The following TBPL2 variants were observed in gnomAD, a reference collection of about 807,000 sequenced individuals.
TBPL2 encodes the protein TATA-box binding protein like 2.
Under a neutral mutation model 38.2 loss-of-function variants are expected in TBPL2, and 40 were observed. The ratio of observed to expected loss-of-function variants is 1.05; its 90% CI spans 0.81 to 1.36. The LOEUF (loss-of-function observed/expected upper bound fraction) is 1.36, where lower values mean the gene tolerates loss of function less well. TBPL2 is among the 40% of genes most tolerant of loss of function. The pLI, the probability that TBPL2 is intolerant of heterozygous loss-of-function variation, is 0.00. For missense variants in TBPL2, 461 were observed against 456.7 expected, an observed-to-expected ratio of 1.01 and a Z score of -0.09; for synonymous variants, 169 against 171.7, an observed-to-expected ratio of 0.98 and a Z score of 0.12.
At chr14:55,424,952 A>G (rs1885798869) in intron 5 of TBPL2, among the ~76,000 whole-genome samples, 1 of 152,218 alleles carries the variant, frequency 6.6e-6, no homozygotes, top group Admixed American at 6.5e-5. Flanking sequence ...AGGAAGTGAG[A>G]GGAGGTGAAT....
chr14:55,420,894 C>T (rs1219067398), intron 6 of TBPL2, among the ~76,000 whole-genome samples: 1 of 151,760 alleles, frequency 6.6e-6, no homozygotes, highest in Non-Finnish European at 1.5e-5. Context: ...CCCGTCTCTA[C>T]TAAAAATACA....
rs563821134 is a variant in TBPL2 at position 55,435,564 on chromosome 14, G to A, written c.696+283C>T. On this transcript the variant is annotated intron_variant, in intron 3 of 6. Transcript: ENST00000247219. ...GCTGGGATTACAGGAGTGAGCCACC[G>A]TGCCCAGCCTAAGTGAAAAATTATA... 3.3e-5 allele frequency among the ~76,000 whole-genome samples: 5 copies of A among 152,154 alleles called. No homozygotes were observed. In the South Asian group the frequency reaches 6.2e-4, roughly 19 times the overall value.
rs1885833546 is a variant in TBPL2 at position 55,426,883 on chromosome 14, G to A, written c.956+1924C>T. On this transcript the variant is annotated intron_variant, in intron 5 of 6. Transcript: ENST00000247219. ...ACAAGGGGCACCTATTCTAGACTTA[G>A]ATCTGCTCTGCAAGGAAGATGCTGG... 2.0e-5 allele frequency among the ~76,000 whole-genome samples: 3 copies of A among 152,188 alleles called. No individual in the cohort carries two copies. The South Asian group carries it at 6.2e-4, about 32-fold the overall frequency.
At chr14:55,439,651 C>T (rs149166485) in intron 1 of TBPL2, among the ~76,000 whole-genome samples, 13,988 of 137,032 alleles carry the variant, frequency 0.1, 772 homozygotes, top group African/African-American at 0.15. Flanking sequence ...CAAAAATTAG[C>T]CGGGCATGGT....
chr14:55,440,424 T>C, exon 1 of TBPL2: 1 of 1,612,784 alleles, frequency 6.2e-7, no homozygotes, highest in Non-Finnish European at 8.5e-7. Flanking sequence ...CAGGTAGAGC[T>C]CCAGGTAGGT....
chr14:55,433,503 G>T, intron 4 of TBPL2, 127 bp downstream of exon 4: 1 of 871,026 alleles, frequency 1.1e-6, no homozygotes, highest in Non-Finnish European at 1.8e-6. Context: ...GCATTTCATT[G>T]AATAAAGTCT....
rs1261021517 is a variant in TBPL2, at chr14:55,424,092, AAAG to A, written c.1051+64_1051+66del. 15 of 1,130,218 alleles carry A rather than the reference AAAG, an allele frequency of 1.3e-5. No homozygotes were observed. The East Asian group carries it at 3.3e-4, about 25-fold the overall frequency. 70.0% of individuals were successfully genotyped at this position (1,130,218 alleles called of 1,614,324 possible). ...TTACCATGGTGAACAAAGGTATTTA[AAAG>A]AATAAGCAAAGCACATGCATAGCAA... On this transcript the variant is annotated intron_variant, in intron 6 of 6. Coordinates refer to ENST00000247219, the Ensembl canonical transcript of TBPL2.
intron 2 of TBPL2, 85 bp from the exon 3 acceptor site, chr14:55,436,019 G>A (rs1046300940): frequency 3.6e-6 from 3 of 835,552 alleles, no homozygotes; most frequent in Admixed American, 3.1e-5. Context: ...CATTTCTTAG[G>A]TTATACCTTA....
At chr14:55,432,245 C>CAAA (rs71131268) in intron 4 of TBPL2, among the ~76,000 whole-genome samples, 5 of 122,004 alleles carry the variant, frequency 4.1e-5, no homozygotes, top group Admixed American at 8.5e-5. Context: ...CCCGTCTCTA[C>CAAA]AAAAAAAAAA....
At chr14:55,417,127 T>C (rs1393281974) in intron 6 of TBPL2, among the ~76,000 whole-genome samples, 2 of 152,180 alleles carry the variant, frequency 1.3e-5, no homozygotes, top group African/African-American at 4.8e-5. Flanking sequence ...AGGAGGACTT[T>C]AGGGAAATTA....
intron 5 of TBPL2, among the ~76,000 whole-genome samples, chr14:55,425,308 G>A (rs1594790982): frequency 1.3e-5 from 2 of 152,254 alleles, no homozygotes; most frequent in Admixed American, 6.5e-5. Context: ...ACACTAGGGG[G>A]AGCCCTGAAA....
At chr14:55,428,739 G>A (rs1263500501) in intron 5 of TBPL2, 68 bp downstream of exon 5, 50 of 1,433,212 alleles carry the variant, frequency 3.5e-5, no homozygotes, top group Non-Finnish European at 4.3e-5. Flanking sequence ...GATACTTTAC[G>A]TAAGCAACCC....
intron 4 of TBPL2, 65 bp from the exon 5 acceptor site, chr14:55,429,039 T>C (rs553569191): frequency 1.0e-5 from 16 of 1,567,594 alleles, no homozygotes; most frequent in Non-Finnish European, 1.3e-5. Context: ...ACTGGTGTTG[T>C]ATTGGATTGT....
At chr14:55,433,521 A>C in intron 4 of TBPL2, 109 bp downstream of exon 4, 2 of 1,021,188 alleles carry the variant, frequency 2.0e-6, no homozygotes, top group South Asian at 3.1e-5. Flanking sequence ...TCTTCAGCAA[A>C]GAAAGGCATT....
chr14:55,429,766 CAAAAAAAAAA>C (rs71131266), intron 4 of TBPL2, among the ~76,000 whole-genome samples: 2 of 52,380 alleles, frequency 3.8e-5, no homozygotes, highest in African/African-American at 9.3e-5. Flanking sequence ...AACTCCGTCT[CAAAAAAAAAA>C]AAAAAAAAAA....
exon 1 of TBPL2, chr14:55,440,560 G>A (rs569954353): frequency 1.9e-6 from 3 of 1,578,390 alleles, no homozygotes; most frequent in Middle Eastern, 2.2e-4. Flanking sequence ...GAGCCTGGGG[G>A]CAGCGAGGCG....
chr14:55,424,124 C>T (rs757800253), intron 6 of TBPL2, 35 bp downstream of exon 6: 1 of 1,482,778 alleles, frequency 6.7e-7, no homozygotes, highest in Non-Finnish European at 9.4e-7. Flanking sequence ...ATAGCAATTA[C>T]ATTTTATGAG....
chr14:55,425,779 G>A (rs968634072), intron 5 of TBPL2, among the ~76,000 whole-genome samples: 5 of 151,996 alleles, frequency 3.3e-5, no homozygotes, highest in African/African-American at 1.2e-4. Flanking sequence ...GCCCCTGAAG[G>A]GCCTTACCTT....
At chr14:55,423,624 C>A (rs1309783109) in intron 6 of TBPL2, among the ~76,000 whole-genome samples, 3 of 152,162 alleles carry the variant, frequency 2.0e-5, no homozygotes, top group African/African-American at 4.8e-5. Flanking sequence ...TCTTTTTCAG[C>A]AGTTGGGGAA....
Sources: gnomAD v4.1 joint callset for allele counts (sites outside exome capture counted in the v4.1 genomes callset) on GRCh38, gnomAD v4.1.1 for gene constraint, MANE v1.5 for transcripts, NCBI Gene and HGNC (gene_info 2026-07-23, HGNC 2026-07-21) for gene names.